LRP1B: variants seen among roughly 807,000 people sequenced by gnomAD.
LRP1B encodes the protein LDL receptor related protein 1B, also known as low-density lipoprotein receptor-related protein 1B.
Under a neutral mutation model 556.6 loss-of-function variants are expected in LRP1B, and 217 were observed. That is an observed-to-expected ratio of 0.39 (90% CI 0.35 to 0.44). LRP1B has a LOEUF of 0.44. Ranked by LOEUF, LRP1B falls within the 20% of genes least tolerant of loss-of-function variation. The pLI, the probability that LRP1B is intolerant of heterozygous loss-of-function variation, is 1.00. For synonymous variants in LRP1B, 2,047 were observed against 1,865.8 expected (o/e 1.10, Z -2.50); for missense variants, 5,053 against 5,620.8 (o/e 0.90, Z 3.23).
At chr2:141,219,461 G>T (rs1682946036) in intron 6 of LRP1B, among the ~76,000 whole-genome samples, 1 of 152,216 alleles carries the variant, frequency 6.6e-6, no homozygotes, top group South Asian at 2.1e-4. Context: ...CTGGGAAGGA[G>T]ACCCTGGGGG....
intron 1 of LRP1B, among the ~76,000 whole-genome samples, chr2:142,091,876 T>G (rs889792990): frequency 3.3e-5 from 5 of 152,152 alleles, no homozygotes; most frequent in African/African-American, 1.2e-4. Flanking sequence ...CGATGAAAGA[T>G]TTCTAGAAAT....
At chr2:140,467,155 A>G (rs985998251) in intron 60 of LRP1B, among the ~76,000 whole-genome samples, 4 of 151,938 alleles carry the variant, frequency 2.6e-5, no homozygotes, top group African/African-American at 4.9e-5. Context: ...TCAATAAAAA[A>G]TCTCAAATTT....
At chr2:140,584,642 A>T (rs1681910948) in intron 43 of LRP1B, among the ~76,000 whole-genome samples, 1 of 152,156 alleles carries the variant, frequency 6.6e-6, no homozygotes, top group Non-Finnish European at 1.5e-5. Flanking sequence ...ACTGACCATT[A>T]TTCTTCTGTA....
intron 3 of LRP1B, among the ~76,000 whole-genome samples, chr2:141,446,696 T>C (rs557325815): frequency 1.3e-5 from 2 of 152,346 alleles, no homozygotes; most frequent in Admixed American, 1.3e-4. Context: ...TATGATATTC[T>C]GGGTTGAAAA....
At chr2:140,799,854 G>C (rs1375729453) in intron 32 of LRP1B, among the ~76,000 whole-genome samples, 1 of 152,074 alleles carries the variant, frequency 6.6e-6, no homozygotes, top group Non-Finnish European at 1.5e-5. Context: ...GGTGATTTCT[G>C]CATTTCCAAC....
At chr2:141,864,353 T>C (rs1698338680) in intron 1 of LRP1B, among the ~76,000 whole-genome samples, 1 of 152,210 alleles carries the variant, frequency 6.6e-6, no homozygotes, top group South Asian at 2.1e-4. Flanking sequence ...TATTATAAAA[T>C]ACTTCTGCTT....
At chr2:140,653,891 G>C (rs569643153) in intron 41 of LRP1B, among the ~76,000 whole-genome samples, 2 of 151,894 alleles carry the variant, frequency 1.3e-5, no homozygotes, top group Admixed American at 6.6e-5. Flanking sequence ...TGAAGGTGGT[G>C]GTGGGCGCCT....
chr2:141,770,159 TC>T (rs1279109934), intron 2 of LRP1B, among the ~76,000 whole-genome samples: 1 of 151,946 alleles, frequency 6.6e-6, no homozygotes, highest in Non-Finnish European at 1.5e-5. Flanking sequence ...TGGCTACTTT[TC>T]TTTTTTTTTT....
At chr2:142,033,186 G>C (rs1365511401) in intron 1 of LRP1B, among the ~76,000 whole-genome samples, 1 of 151,682 alleles carries the variant, frequency 6.6e-6, no homozygotes, top group Non-Finnish European at 1.5e-5. Context: ...CTATAATTAG[G>C]AATTGAATTT....
At chr2:140,726,304 A>C (rs1687591536) in intron 35 of LRP1B, among the ~76,000 whole-genome samples, 1 of 152,174 alleles carries the variant, frequency 6.6e-6, no homozygotes, top group Non-Finnish European at 1.5e-5. Context: ...AGTTGAGGGA[A>C]GTCTTTAACT....
chr2:141,818,360 T>C, intron 1 of LRP1B, among the ~76,000 whole-genome samples: 1 of 152,154 alleles, frequency 6.6e-6, no homozygotes, highest in East Asian at 1.9e-4. Flanking sequence ...AAAATGTACA[T>C]ATGTAGATAA....
At chr2:140,369,130 A>C (rs960456078) in intron 71 of LRP1B, among the ~76,000 whole-genome samples, 1 of 151,930 alleles carries the variant, frequency 6.6e-6, no homozygotes, top group African/African-American at 2.4e-5. Flanking sequence ...GGTGCAGTGG[A>C]AAGTAAGTCT....
intron 60 of LRP1B, among the ~76,000 whole-genome samples, chr2:140,461,364 A>G (rs2030240): frequency 0.047 from 7,185 of 152,166 alleles, 248 homozygotes; most frequent in Non-Finnish European, 0.054. Context: ...AGGATACAGC[A>G]TTAGGATATT....
Position 140,450,707 on chromosome 2 carries a change from A to G in LRP1B, c.9964-46T>C, listed in dbSNP as rs369248485. ...AAAAAAATGTTGAAGAACCCAGTGC[A>G]TATATAATGGATAATTTAAAATTTG... On this transcript the variant is annotated intron_variant, in intron 62 of 90. Transcript: ENST00000389484. 10 of 1,289,752 alleles carry G rather than the reference A, an allele frequency of 7.8e-6. No individual in the cohort carries two copies. The African/African-American group carries it at 1.5e-4, about 19-fold the overall frequency. 79.9% of individuals were successfully genotyped at this position (1,289,752 alleles called of 1,614,324 possible).
In LRP1B at chr2:140,779,694, CAAAAAAAAA is replaced by C. The variant is rs34083447; in HGVS notation, c.5360-3465_5360-3457del. Among the ~76,000 whole-genome samples the C allele has an allele frequency of 1.8e-4, 12 of 66,892 alleles. No homozygotes were observed. The South Asian group carries it at 5.9e-3, about 33-fold the overall frequency. 43.9% of individuals were successfully genotyped at this position (66,892 alleles called of 152,430 possible). Reference sequence around the variant, plus strand: ...CGGGTGACAGAGCGAGACTCTGTCTCAAAAAAAAAAAAAAAAAAAAGTGTGTGTGTGTGT... The same window carrying C: ...CGGGTGACAGAGCGAGACTCTGTCTCAAAAAAAAAAAGTGTGTGTGTGTGT... On this transcript the variant is annotated intron_variant, in intron 32 of 90. Coordinates refer to ENST00000389484, the MANE Select transcript of LRP1B (RefSeq NM_018557.3).
At chr2:141,756,948 C>T (rs1328842087) in intron 2 of LRP1B, among the ~76,000 whole-genome samples, 1 of 152,096 alleles carries the variant, frequency 6.6e-6, no homozygotes, top group Non-Finnish European at 1.5e-5. Flanking sequence ...TATATCTATA[C>T]ACACATACAC....
At chr2:141,206,131 T>TCACACACA (rs10556736) in intron 6 of LRP1B, among the ~76,000 whole-genome samples, 52 of 149,540 alleles carry the variant, frequency 3.5e-4, no homozygotes, top group African/African-American at 1.3e-3. Flanking sequence ...AGTGTACTAT[T>TCACACACA]CACACACACA....
At chr2:140,541,637 C>A in intron 44 of LRP1B, 142 bp downstream of exon 44, 2 of 650,186 alleles carry the variant, frequency 3.1e-6, no homozygotes, top group East Asian at 5.8e-5. Context: ...TAGAAAAAAA[C>A]AAAATCCACA....
At chr2:141,571,479 C>A (rs1160764112) in intron 2 of LRP1B, among the ~76,000 whole-genome samples, 6 of 150,654 alleles carry the variant, frequency 4.0e-5, no homozygotes. Flanking sequence ...AAAAAAAAAT[C>A]AAAGAAAAAA....
Sources: gnomAD v4.1 joint callset for allele counts (sites outside exome capture counted in the v4.1 genomes callset) on GRCh38, gnomAD v4.1.1 for gene constraint, MANE v1.5 for transcripts, NCBI Gene and HGNC (gene_info 2026-07-23, HGNC 2026-07-21) for gene names.